The following DCDC2C variants were observed in gnomAD, a reference collection of about 807,000 sequenced individuals.
DCDC2C encodes the protein doublecortin domain containing 2C, also known as doublecortin domain-containing protein 2C.
A neutral mutation model predicts 45.0 loss-of-function variants in DCDC2C; 44 were observed. That is an observed-to-expected ratio of 0.98 (90% CI 0.77 to 1.26). The LOEUF is 1.26. Ranked by LOEUF, DCDC2C falls within the 50% of genes most tolerant of loss-of-function variation. The pLI, the probability that DCDC2C is intolerant of heterozygous loss-of-function variation, is 0.00. For missense variants in DCDC2C, 447 were observed against 468.9 expected, an observed-to-expected ratio of 0.95 and a Z score of 0.43; for synonymous variants, 187 against 178.8, an observed-to-expected ratio of 1.05 and a Z score of -0.37.
At chr2:3,789,661 C>A (rs944414377) in intron 10 of DCDC2C, among the ~76,000 whole-genome samples, 1 of 152,236 alleles carries the variant, frequency 6.6e-6, no homozygotes, top group African/African-American at 2.4e-5. Flanking sequence ...CTACTAAATG[C>A]TCCCTTTATG....
chr2:3,843,655 T>C (rs1399128951), intron 10 of DCDC2C, among the ~76,000 whole-genome samples: 1 of 152,228 alleles, frequency 6.6e-6, no homozygotes, highest in African/African-American at 2.4e-5. Context: ...TGGGGTCTAC[T>C]GTGAAGGGCA....
chr2:3,752,943 A>C, intron 5 of DCDC2C, 43 bp downstream of exon 5: 1 of 1,537,084 alleles, frequency 6.5e-7, no homozygotes, highest in South Asian at 1.2e-5. Flanking sequence ...TTTGGAAAAA[A>C]ATTAGCCTTT....
Position 3,703,824 on chromosome 2 carries a change from G to T in DCDC2C, c.73G>T (p.Asp25Tyr), listed in dbSNP as rs1298639072. 3.9e-5 allele frequency: 49 copies of T among 1,265,558 alleles called. No individual in the cohort carries two copies. The highest frequency in any genetic ancestry group is 4.8e-5 in the Non-Finnish European group (48 of 1,001,360). The allele number at this position is 1,265,558 out of a possible 1,614,324, so 78.4% of individuals were successfully genotyped here. Residue 25 changes from aspartate to tyrosine, a missense_variant, in exon 1 of 11, where the codon GAC (aspartate) becomes TAC (tyrosine). By Grantham distance (160) the Asp-to-Tyr change is radical. Coordinates refer to ENST00000399143, the MANE Select transcript of DCDC2C (RefSeq NM_001287444.2). This position sits in a 1 kb window ranked among gnomAD's most constrained non-coding sequence, Gnocchi z 4.4. Reference protein sequence around the residue: ...AKTIVVYRNGDPFYVGKKFVL... With the variant: ...AKTIVVYRNGYPFYVGKKFVL... ...GACCATCGTGGTGTACCGCAACGGG[G>T]ACCCGTTCTACGTGGGCAAGAAGTT...
At chr2:3,846,809 T>C (rs1416683665) in intron 10 of DCDC2C, among the ~76,000 whole-genome samples, 1 of 151,446 alleles carries the variant, frequency 6.6e-6, no homozygotes, top group Non-Finnish European at 1.5e-5. Context: ...GGATGGGGGC[T>C]GTGGAGTGAG....
chr2:3,788,929 C>T (rs566805969), intron 10 of DCDC2C, among the ~76,000 whole-genome samples: 25 of 151,688 alleles, frequency 1.6e-4, no homozygotes, highest in African/African-American at 6.1e-4. Context: ...CAAGCTCCGC[C>T]TCCCACGTTC....
At chr2:3,839,414 A>C (rs894451165) in intron 10 of DCDC2C, among the ~76,000 whole-genome samples, 1 of 152,372 alleles carries the variant, frequency 6.6e-6, no homozygotes, top group Non-Finnish European at 1.5e-5. Flanking sequence ...ATGAAAATAA[A>C]AACTAGGTTT....
At chr2:3,778,013 GCGC>G (rs1670395169) in intron 8 of DCDC2C, among the ~76,000 whole-genome samples, 1 of 149,834 alleles carries the variant, frequency 6.7e-6, no homozygotes, top group African/African-American at 2.5e-5. Context: ...GAAACAGGAG[GCGC>G]CAGGGCCTCC....
At chr2:3,784,973 C>A in intron 9 of DCDC2C, 86 bp from the exon 10 acceptor site, 2 of 997,196 alleles carry the variant, frequency 2.0e-6, no homozygotes, top group Non-Finnish European at 2.6e-6. Context: ...CCCTGAGAGG[C>A]AGAGTAGAGG....
chr2:3,807,194 T>C (rs1318019731), intron 10 of DCDC2C, among the ~76,000 whole-genome samples: 2 of 152,216 alleles, frequency 1.3e-5, no homozygotes, highest in Non-Finnish European at 2.9e-5. Context: ...GGATCTTCCC[T>C]ATCAGATTGG....
At chr2:3,736,808 C>G (rs1669046129) in intron 3 of DCDC2C, among the ~76,000 whole-genome samples, 1 of 152,180 alleles carries the variant, frequency 6.6e-6, no homozygotes, top group South Asian at 2.1e-4. Context: ...ACTTAAATCA[C>G]TCCAGTTTTC....
chr2:3,841,163 G>GT lies in DCDC2C; in HGVS notation c.1066-5990dup, dbSNP rs1672204811. ...AAGCTCGTGAAACTTGTGATAAGAA[G>GT]TACGAGTTTCAGACGGGAGGCTTTA... On this transcript the variant is annotated intron_variant, in intron 10 of 10. Coordinates refer to ENST00000399143, the MANE Select transcript of DCDC2C (RefSeq NM_001287444.2). Among the ~76,000 whole-genome samples, 9 of 152,264 alleles carry GT rather than the reference G, an allele frequency of 5.9e-5. No individual in the cohort carries two copies. The South Asian group carries it at 1.9e-3, about 32-fold the overall frequency.
chr2:3,804,398 T>A (rs1049472025), intron 10 of DCDC2C, among the ~76,000 whole-genome samples: 1 of 152,240 alleles, frequency 6.6e-6, no homozygotes, highest in Non-Finnish European at 1.5e-5. Flanking sequence ...TTTCATTTCC[T>A]GCTTTTAATT....
At chr2:3,795,132 T>C (rs1011374924) in intron 10 of DCDC2C, among the ~76,000 whole-genome samples, 1 of 151,384 alleles carries the variant, frequency 6.6e-6, no homozygotes, top group African/African-American at 2.4e-5. Context: ...TGAGCATTTT[T>C]TCATGTGTTT....
intron 10 of DCDC2C, among the ~76,000 whole-genome samples, chr2:3,790,524 A>G (rs1449671987): frequency 6.6e-6 from 1 of 152,238 alleles, no homozygotes; most frequent in East Asian, 1.9e-4. Flanking sequence ...CAGAAATGCC[A>G]ATAAAACCAG....
chr2:3,794,912 T>C lies in DCDC2C; in HGVS notation c.1065+9812T>C, dbSNP rs534442005. ...GGATGGCTGGGTCAAATGGTATTTC[T>C]AGTTCTAGATCCCTGAGGAATCGCC... On this transcript the variant is annotated intron_variant, in intron 10 of 10. Coordinates refer to ENST00000399143, the MANE Select transcript of DCDC2C (RefSeq NM_001287444.2). Among the ~76,000 whole-genome samples, 1,310 of 152,248 alleles carry C rather than the reference T, an allele frequency of 8.6e-3. 12 individuals carry two copies. The highest frequency in any genetic ancestry group is 0.019 in the African/African-American group (807 of 41,570).
At chr2:3,766,447 C>G (rs754705696) in intron 6 of DCDC2C, among the ~76,000 whole-genome samples, 12 of 152,158 alleles carry the variant, frequency 7.9e-5, no homozygotes, top group Non-Finnish European at 1.5e-4. Context: ...AGCCAAAATA[C>G]AAGCACCATA....
In DCDC2C at chr2:3,773,158, T is replaced by A. The variant is rs1670228644; in HGVS notation, c.954+3747T>A. On this transcript the variant is annotated intron_variant, in intron 8 of 10. Transcript: ENST00000399143. Reference sequence around the variant, plus strand: ...GAGCAAGAGGGACAGGGTTTCGGGGTGGAAGCTGTGGGGCGTGGCCGGCTG... The same window carrying A: ...GAGCAAGAGGGACAGGGTTTCGGGGAGGAAGCTGTGGGGCGTGGCCGGCTG... Among the ~76,000 whole-genome samples the A allele has an allele frequency of 2.6e-5, 4 of 152,182 alleles. No homozygotes were observed. In the South Asian group the frequency reaches 8.3e-4, roughly 32 times the overall value.
chr2:3,767,653 C>T (rs1670048670), intron 6 of DCDC2C, 101 bp from the exon 7 acceptor site: 2 of 1,366,392 alleles, frequency 1.5e-6, no homozygotes, highest in Non-Finnish European at 2.0e-6. Context: ...TACTGTTTCT[C>T]TGAGGAACTT....
At chr2:3,771,702 C>A (rs1280172286) in intron 8 of DCDC2C, among the ~76,000 whole-genome samples, 1 of 152,230 alleles carries the variant, frequency 6.6e-6, no homozygotes, top group Non-Finnish European at 1.5e-5. Flanking sequence ...GTTCCTGGGA[C>A]AGTCATGGAC....
Sources: allele counts gnomAD v4.1 joint callset (sites outside exome capture counted in the v4.1 genomes callset), GRCh38; gene constraint gnomAD v4.1.1; non-coding constraint Gnocchi (gnomAD v3.1); transcripts MANE v1.5; gene names NCBI Gene and HGNC (gene_info 2026-07-23, HGNC 2026-07-21).